The following VOPP1 variants were observed in gnomAD, a reference collection of about 807,000 sequenced individuals.
The protein encoded by VOPP1 is WW domain binding protein VOPP1.
In VOPP1, 8 loss-of-function variants were observed where a neutral mutation model predicts 23.5. The ratio of observed to expected loss-of-function variants is 0.34; its 90% CI spans 0.20 to 0.61. The LOEUF (loss-of-function observed/expected upper bound fraction) is 0.61. VOPP1 is among the 20% of genes least tolerant of loss of function. The pLI, the probability that VOPP1 is intolerant of heterozygous loss-of-function variation, is 0.78. For synonymous variants in VOPP1, 83 were observed against 97.3 expected (o/e 0.85, Z 0.86); for missense variants, 174 against 238.1 (o/e 0.73, Z 1.77).
At position 55,475,765 on chromosome 7, in the gene VOPP1, G is replaced by A. The variant is rs565751327; in HGVS notation, c.329-2720C>T. Among the ~76,000 whole-genome samples, 11 of 152,342 alleles carry A rather than the reference G, an allele frequency of 7.2e-5. No individual in the cohort carries two copies. The South Asian group carries it at 2.1e-3, about 29-fold the overall frequency. On this transcript the variant is annotated intron_variant, in intron 4 of 4. Coordinates refer to ENST00000285279, the MANE Select transcript of VOPP1 (RefSeq NM_030796.5). The stretch of plus-strand genomic sequence containing the variant: ...TGCAGAAAGACTTTCTCCACAAGAT[G>A]GGGTAGAAAGGGTAAGGAGAGGTGA...
At chr7:55,517,943 C>CAAAA (rs977865731) in intron 2 of VOPP1, among the ~76,000 whole-genome samples, 1 of 151,996 alleles carries the variant, frequency 6.6e-6, no homozygotes, top group African/African-American at 2.4e-5. Flanking sequence ...TGGCTGGCCC[C>CAAAA]AAAAAAACAA....
chr7:55,552,797 TC>T, intron 1 of VOPP1: 1 of 1,497,698 alleles, frequency 6.7e-7, no homozygotes, highest in South Asian at 1.3e-5. Flanking sequence ...CTAGGAAACC[TC>T]CCATGGGCTG....
chr7:55,470,186 C>T (rs1388681519), downstream of VOPP1, among the ~76,000 whole-genome samples: 1 of 152,166 alleles, frequency 6.6e-6, no homozygotes, highest in Non-Finnish European at 1.5e-5. Context: ...CTGGGAAACG[C>T]AGTGAGACCC....
chr7:55,528,069 T>G (rs1796293242), intron 1 of VOPP1, among the ~76,000 whole-genome samples: 1 of 152,208 alleles, frequency 6.6e-6, no homozygotes, highest in South Asian at 2.1e-4. Flanking sequence ...GAACAAATGT[T>G]ATTTAAAAAA....
intron 2 of VOPP1, among the ~76,000 whole-genome samples, chr7:55,504,852 G>A (rs1163003876): frequency 6.6e-6 from 1 of 152,176 alleles, no homozygotes; most frequent in Non-Finnish European, 1.5e-5. Context: ...ACACTTATTG[G>A]AGCTTCAGGC....
At chr7:55,497,554 T>TGCGG in intron 3 of VOPP1, 59 bp downstream of exon 3, 1 of 973,972 alleles carries the variant, frequency 1.0e-6, no homozygotes, top group African/African-American at 2.0e-5. Context: ...ACAACACTGA[T>TGCGG]GGGGGGGGGG....
chr7:55,564,277 C>T (rs1386206027), intron 1 of VOPP1, among the ~76,000 whole-genome samples: 1 of 133,242 alleles, frequency 7.5e-6, no homozygotes, highest in Admixed American at 7.6e-5. Context: ...CGCTCGCTTG[C>T]TCTCTCTCAC....
At chr7:55,560,831 C>G (rs1363819270) in intron 1 of VOPP1, among the ~76,000 whole-genome samples, 1 of 152,146 alleles carries the variant, frequency 6.6e-6, no homozygotes, top group African/African-American at 2.4e-5. Flanking sequence ...TTACCAAATG[C>G]CTTGTTCATT....
intron 1 of VOPP1, among the ~76,000 whole-genome samples, chr7:55,531,094 A>G (rs1283632468): frequency 6.6e-6 from 1 of 152,244 alleles, no homozygotes; most frequent in African/African-American, 2.4e-5. Flanking sequence ...TATAAAATGA[A>G]TATAAGGCCT....
At chr7:55,473,332 G>A (rs1458885704) in intron 4 of VOPP1, among the ~76,000 whole-genome samples, 1 of 152,232 alleles carries the variant, frequency 6.6e-6, no homozygotes, top group Non-Finnish European at 1.5e-5. Context: ...GCTGTCTGCG[G>A]TGAACTATCG....
At chr7:55,474,767 G>C (rs1458353349) in intron 4 of VOPP1, among the ~76,000 whole-genome samples, 3 of 152,186 alleles carry the variant, frequency 2.0e-5, no homozygotes, top group Non-Finnish European at 4.4e-5. Context: ...TGGAAACATG[G>C]GCATGTCCAG....
intron 4 of VOPP1, among the ~76,000 whole-genome samples, chr7:55,443,245 A>C (rs1421135469): frequency 6.6e-6 from 1 of 152,058 alleles, no homozygotes; most frequent in Non-Finnish European, 1.5e-5. Context: ...GATCAGATAC[A>C]AACAATTTTT....
chr7:55,483,534 C>T (rs188206089), intron 4 of VOPP1, among the ~76,000 whole-genome samples: 14 of 152,236 alleles, frequency 9.2e-5, no homozygotes, highest in Non-Finnish European at 2.9e-5. Flanking sequence ...CCACCCTGGC[C>T]AAATAGGGCA....
At position 55,464,175 on chromosome 7, in the gene VOPP1, C is replaced by T. The variant is rs1461842600; in HGVS notation, n.418-28001G>A. 3.3e-5 allele frequency among the ~76,000 whole-genome samples: 5 copies of T among 152,172 alleles called. No individual in the cohort carries two copies. The South Asian group carries it at 6.2e-4, about 19-fold the overall frequency. On this transcript the variant is annotated intron_variant and non_coding_transcript_variant, in intron 4 of 4. Coordinates refer to the VOPP1 transcript ENST00000462326. ...GGGGCAGGCCTGTCATCAGAACCCA[C>T]GATGGTGTGTGCAGGCACTAGAAGT...
chr7:55,450,057 A>G (rs1791204522), intron 4 of VOPP1, among the ~76,000 whole-genome samples: 1 of 152,204 alleles, frequency 6.6e-6, no homozygotes, highest in South Asian at 2.1e-4. Flanking sequence ...CACACTGACA[A>G]GGATGGTAAT....
intron 1 of VOPP1, among the ~76,000 whole-genome samples, chr7:55,558,702 C>T (rs1032452697): frequency 3.9e-5 from 6 of 152,170 alleles, no homozygotes; most frequent in Non-Finnish European, 8.8e-5. Context: ...CATCCATGTC[C>T]AACCCCAGGC....
At chr7:55,537,391 G>T in intron 1 of VOPP1, 1 of 1,444,582 alleles carries the variant, frequency 6.9e-7, no homozygotes, top group African/African-American at 1.4e-5. Flanking sequence ...TCGTGCTCCA[G>T]CCTTCTGGAG....
At chr7:55,510,059 T>C (rs541995557) in intron 2 of VOPP1, among the ~76,000 whole-genome samples, 2 of 152,276 alleles carry the variant, frequency 1.3e-5, no homozygotes, top group Non-Finnish European at 2.9e-5. Context: ...AATAATAAGA[T>C]GCAGATGAAC....
intron 4 of VOPP1, among the ~76,000 whole-genome samples, chr7:55,452,369 G>C (rs1229832148): frequency 6.6e-6 from 1 of 152,034 alleles, no homozygotes; most frequent in Non-Finnish European, 1.5e-5. Context: ...CTCCATGAAG[G>C]GGTTCAAGTC....
Sources: gnomAD v4.1 joint callset for allele counts (sites outside exome capture counted in the v4.1 genomes callset) on GRCh38, gnomAD v4.1.1 for gene constraint, MANE v1.5 for transcripts, NCBI Gene and HGNC (gene_info 2026-07-23, HGNC 2026-07-21) for gene names.